Variants in KLHL7 observed in about 807,000 individuals in gnomAD.
The protein encoded by KLHL7 is kelch-like protein 7.
KLHL7 carries 44 observed loss-of-function variants against 67.4 expected under a neutral mutation model. The ratio of observed to expected loss-of-function variants is 0.65; its 90% confidence interval spans 0.51 to 0.84. The LOEUF (loss-of-function observed/expected upper bound fraction) is 0.84, where lower values mean the gene tolerates loss of function less well. Among genes scored for constraint, KLHL7 ranks in the 40% least tolerant of loss-of-function variants. The pLI is 0.00. For synonymous variants in KLHL7, 252 were observed against 243.3 expected, an observed-to-expected ratio of 1.04 and a Z score of -0.33; for missense variants, 362 against 718.1, an observed-to-expected ratio of 0.50 and a Z score of 5.67.
At position 23,140,806 on chromosome 7, in the gene KLHL7, A is replaced by T; in HGVS notation, c.480A>T (p.Glu160Asp). 1 of 1,613,954 alleles carries T rather than the reference A, an allele frequency of 6.2e-7. No homozygotes were observed. The highest frequency in any genetic ancestry group is 1.1e-5 in the South Asian group (1 of 91,072). ...TAGCGGAGTGTCTAGATTGTCCTGA[A>T]TTGAAAGCAACTGCAGATGACTTTA... ...SVLAECLDCP[E>D]LKATADDFIH... Residue 160 changes from glutamate (E) to aspartate (D), a missense_variant, in exon 5 of 11, where the codon GAA (glutamate) becomes GAT (aspartate). This residue lies in a region of KLHL7 where 155 missense variants were observed against 280.8 expected (regional missense o/e 0.55). Transcript: ENST00000339077.
chr7:23,135,378 T>C (rs778353343), intron 4 of KLHL7, among the ~76,000 whole-genome samples: 2 of 152,190 alleles, frequency 1.3e-5, no homozygotes, highest in African/African-American at 2.4e-5. Context: ...GAATGATCCA[T>C]GTGCTGAGGA....
At chr7:23,125,961 T>C in intron 4 of KLHL7, 1 of 905,474 alleles carries the variant, frequency 1.1e-6, no homozygotes, top group Non-Finnish European at 1.8e-6. Flanking sequence ...TTTTTTATGA[T>C]ACATACATGC....
intron 1 of KLHL7, among the ~76,000 whole-genome samples, chr7:23,111,778 C>T (rs1021026937): frequency 1.4e-5 from 2 of 140,012 alleles, no homozygotes; most frequent in Admixed American, 1.5e-4. Flanking sequence ...GCCAAGATTG[C>T]ACCATTGCAC....
chr7:23,154,612 A>G (rs2103281), intron 7 of KLHL7, among the ~76,000 whole-genome samples: 55,815 of 152,032 alleles, frequency 0.37, 10,666 homozygotes, highest in African/African-American at 0.46. Context: ...GGAGACCAGT[A>G]TGTGACCTTG....
chr7:23,176,566 G>A lies in KLHL7; in HGVS notation c.*2268G>A, dbSNP rs1218454577. On this transcript the variant is annotated 3_prime_UTR_variant, in exon 11 of 11. Coordinates refer to ENST00000339077, the MANE Select transcript of KLHL7 (RefSeq NM_001031710.3). ...ATATACCTGCAGTTCTAGCTACTCA[G>A]AAGGCTGAGGTGGGAGGATCACTTG... is the stretch of plus-strand genomic sequence containing the variant. 1 of 152,342 alleles carries A rather than the reference G, an allele frequency of 6.6e-6. No homozygotes were observed. The highest frequency in any genetic ancestry group is 2.4e-5 in the African/African-American group (1 of 41,352). 9.4% of individuals were successfully genotyped at this position (152,342 alleles called of 1,614,324 possible).
chr7:23,117,799 T>A lies in KLHL7; in HGVS notation c.121-5978T>A, dbSNP rs777439821. ...TAATCCAAGAAAATTATTTACCCCA[T>A]CTAATAAGGGCCTCATTTCCCTTTA... On this transcript the variant is annotated intron_variant, in intron 1 of 10. Transcript: ENST00000339077. 1.9e-5 allele frequency: 29 copies of A among 1,557,256 alleles called. No homozygotes were observed. In the Admixed American group the frequency reaches 5.3e-4, roughly 28 times the overall value.
intron 4 of KLHL7, chr7:23,126,024 TAATAA>T (rs1192885763): frequency 1.4e-6 from 1 of 704,314 alleles, no homozygotes; most frequent in Non-Finnish European, 2.5e-6. Flanking sequence ...ACAACAATAA[TAATAA>T]AATAGAACAA....
intron 4 of KLHL7, among the ~76,000 whole-genome samples, chr7:23,137,909 G>C (rs953950206): frequency 1.3e-5 from 2 of 151,098 alleles, no homozygotes; most frequent in Admixed American, 6.6e-5. Context: ...AGGCATGGTG[G>C]CTTATGCCTG....
Position 23,106,122 on chromosome 7 carries a change from C to A in KLHL7, c.96C>A (p.Gly32=). 6.2e-7 allele frequency: 1 copy of A among 1,610,532 alleles called. No individual in the cohort carries two copies. Among genetic ancestry groups the A allele is most frequent in the Non-Finnish European group, 8.5e-7 (1 of 1,178,608 alleles). ...EEAKLLAGFM[G]VMNNMRKQKT... Reference sequence around the variant, plus strand: ...CTAAATTGTTGGCGGGTTTCATGGGCGTCATGAATAACATGCGGAAACAGG... The same window carrying A: ...CTAAATTGTTGGCGGGTTTCATGGGAGTCATGAATAACATGCGGAAACAGG... Residue 32 remains glycine, a synonymous_variant, in exon 1 of 11, where the codon GGC becomes GGA. Coordinates refer to ENST00000339077, the MANE Select transcript of KLHL7 (RefSeq NM_001031710.3).
intron 7 of KLHL7, among the ~76,000 whole-genome samples, chr7:23,165,143 T>A (rs1459582451): frequency 4.6e-5 from 7 of 152,324 alleles, no homozygotes; most frequent in African/African-American, 1.4e-4. Context: ...AAGTATTTCC[T>A]TATAAACATC....
chr7:23,106,609 G>A, intron 1 of KLHL7: 1 of 1,040,834 alleles, frequency 9.6e-7, no homozygotes, highest in Non-Finnish European at 1.2e-6. Context: ...GCCCCCTCCT[G>A]TGTTCCCCGG....
At chr7:23,149,710 CAA>C (rs1784472120) in intron 6 of KLHL7, among the ~76,000 whole-genome samples, 1 of 152,050 alleles carries the variant, frequency 6.6e-6, no homozygotes, top group East Asian at 1.9e-4. Flanking sequence ...ATAAAATAAA[CAA>C]AGAATATTCC....
chr7:23,134,401 G>T (rs1194562273), intron 4 of KLHL7, among the ~76,000 whole-genome samples: 1 of 152,016 alleles, frequency 6.6e-6, no homozygotes, highest in Non-Finnish European at 1.5e-5. Context: ...AGATATTGGT[G>T]CCTGTAGTTT....
rs1198617748 is a variant in KLHL7 at position 23,175,441 on chromosome 7, T to G, written c.*1143T>G. 2.4e-6 allele frequency: 1 copy of G among 419,168 alleles called. No homozygotes were observed. The allele number at this position is 419,168 out of a possible 1,614,324, so 26.0% of individuals were successfully genotyped here. On this transcript the variant is annotated 3_prime_UTR_variant, in exon 11 of 11. Transcript: ENST00000339077. The stretch of plus-strand genomic sequence containing the variant: ...TTAAAATAGGCCACTCAGTTTGTTC[T>G]TCAAGTATTTTAGGTAATGGTTGTT...
At chr7:23,170,031 G>A (rs1229123736) in intron 9 of KLHL7, among the ~76,000 whole-genome samples, 1 of 152,164 alleles carries the variant, frequency 6.6e-6, no homozygotes, top group African/African-American at 2.4e-5. Context: ...CCAACATGGT[G>A]AAACTCTGTC....
At chr7:23,140,972 C>G (rs1225311084) in intron 5 of KLHL7, 28 bp downstream of exon 5, 5 of 1,586,332 alleles carry the variant, frequency 3.2e-6, no homozygotes, top group Admixed American at 1.7e-5. Context: ...TCACATTTTT[C>G]TTAATAAAAA....
chr7:23,137,712 C>T (rs984699633), intron 4 of KLHL7, among the ~76,000 whole-genome samples: 1 of 151,068 alleles, frequency 6.6e-6, no homozygotes, highest in African/African-American at 2.4e-5. Context: ...CTCCTGACCT[C>T]AAGTGAGCTG....
At chr7:23,106,268 CCTT>C in intron 1 of KLHL7, 122 bp downstream of exon 1, 2 of 1,530,490 alleles carry the variant, frequency 1.3e-6, no homozygotes, top group Non-Finnish European at 1.8e-6. Flanking sequence ...CCTCGCCCCT[CCTT>C]CCGTTTTCGC....
chr7:23,125,219 T>G lies in KLHL7; in HGVS notation c.442+47T>G, dbSNP rs558926063. Reference sequence around the variant, plus strand: ...TTGTGTGTTTATTTTGTTTTATCCTTTATTTCTAATTTAATTTTTTAAAAA... The same window carrying G: ...TTGTGTGTTTATTTTGTTTTATCCTGTATTTCTAATTTAATTTTTTAAAAA... On this transcript the variant is annotated intron_variant, in intron 4 of 10. Transcript: ENST00000339077. The G allele has an allele frequency of 2.7e-5, 42 of 1,584,726 alleles. No homozygotes were observed. The Middle Eastern group carries it at 6.2e-4, about 23-fold the overall frequency.
Sources: allele counts gnomAD v4.1 joint callset (sites outside exome capture counted in the v4.1 genomes callset), GRCh38; gene constraint gnomAD v4.1.1; regional missense constraint gnomAD v4.1.1; transcripts MANE v1.5; gene names NCBI Gene and HGNC (gene_info 2026-07-23, HGNC 2026-07-21).